MPRIP: variants seen among roughly 807,000 people sequenced by gnomAD.
The protein encoded by MPRIP is myosin phosphatase Rho interacting protein.
MPRIP carries 59 observed loss-of-function variants against 234.9 expected under a neutral mutation model. That is an observed-to-expected ratio of 0.25 (90% CI 0.20 to 0.31). MPRIP has a LOEUF of 0.31. Ranked by LOEUF, MPRIP falls within the 10% of genes least tolerant of loss-of-function variation. The pLI, the probability that MPRIP is intolerant of heterozygous loss-of-function variation, is 1.00. For synonymous variants in MPRIP, 1,144 were observed against 1,263.9 expected, an observed-to-expected ratio of 0.91 and a Z score of 2.01; for missense variants, 2,436 against 3,071.0, an observed-to-expected ratio of 0.79 and a Z score of 4.89.
intron 13 of MPRIP, among the ~76,000 whole-genome samples, chr17:17,157,554 G>C (rs2045756017): frequency 6.6e-6 from 1 of 152,186 alleles, no homozygotes; most frequent in African/African-American, 2.4e-5. Context: ...ATAGATTCAG[G>C]CTGGGCACAG....
rs781462045 is a variant in MPRIP, at chr17:17,166,768, A to T, written c.5177A>T (p.Gln1726Leu). ...CCAGACTTTGAAAGAGTGATGCAGC[A>T]GGTCTTGGAAGCCCTCAGGCTTCCA... ...QTPDFERVMQ[Q>L]VLEALRLPAG... Residue 1726 changes from glutamine (Q) to leucine (L), a missense_variant, in exon 16 of 24, where the codon CAG becomes CTG. Coordinates refer to ENST00000651222, the MANE Select transcript of MPRIP (RefSeq NM_001364716.4). The surrounding 1 kb of genome is among the most constrained non-coding windows in gnomAD (Gnocchi z 4.4). 6 of 1,304,224 alleles carry T rather than the reference A, an allele frequency of 4.6e-6. No individual in the cohort carries two copies. In the African/African-American group the frequency reaches 9.1e-5, roughly 20 times the overall value. The allele number at this position is 1,304,224 out of a possible 1,614,324, so 80.8% of individuals were successfully genotyped here. A position where few individuals can be genotyped will look rare whatever the true frequency, so the allele number is the denominator to read the frequency against.
chr17:17,116,664 C>T (rs949951487), intron 3 of MPRIP, among the ~76,000 whole-genome samples: 9 of 152,228 alleles, frequency 5.9e-5, no homozygotes, highest in Admixed American at 4.6e-4. Context: ...CTGAGGCCTC[C>T]GTCCTGCCAG....
intron 3 of MPRIP, among the ~76,000 whole-genome samples, chr17:17,084,776 T>C (rs1210074885): frequency 6.6e-6 from 1 of 152,254 alleles, no homozygotes; most frequent in Non-Finnish European, 1.5e-5. Context: ...CCTGTGTCTT[T>C]ATTAATGCCA....
At chr17:17,146,571 A>G (rs1424668100) in intron 10 of MPRIP, among the ~76,000 whole-genome samples, 3 of 152,206 alleles carry the variant, frequency 2.0e-5, no homozygotes, top group Non-Finnish European at 4.4e-5. Flanking sequence ...AGGAGCAAAC[A>G]TGGTACATTC....
At chr17:17,076,094 A>C in intron 2 of MPRIP, 1 of 274,246 alleles carries the variant, frequency 3.6e-6, no homozygotes, top group Non-Finnish European at 6.9e-6. Context: ...TTTGCATTAT[A>C]CCGAGCAGCT....
chr17:17,178,165 C>T (rs2046298003), intron 22 of MPRIP, among the ~76,000 whole-genome samples: 1 of 152,116 alleles, frequency 6.6e-6, no homozygotes, highest in Admixed American at 6.6e-5. Flanking sequence ...TCAAGCGATC[C>T]AGCCACCTTG....
chr17:17,180,528 A>G, intron 23 of MPRIP: 1 of 1,299,710 alleles, frequency 7.7e-7, no homozygotes, highest in Non-Finnish European at 1.1e-6. Context: ...CATGCACAGG[A>G]GGGCGGGCGG....
intron 3 of MPRIP, among the ~76,000 whole-genome samples, chr17:17,084,465 G>T (rs1040030693): frequency 1.3e-5 from 2 of 152,194 alleles, no homozygotes; most frequent in African/African-American, 4.8e-5. Flanking sequence ...TCTCACAATG[G>T]TAGATACCAT....
chr17:17,096,847 G>A (rs900232668), intron 3 of MPRIP: 4 of 470,922 alleles, frequency 8.5e-6, no homozygotes, highest in Non-Finnish European at 1.8e-5. Flanking sequence ...CTGCCTTGCT[G>A]TGTGCCTCAG....
intron 1 of MPRIP, among the ~76,000 whole-genome samples, chr17:17,045,423 A>G (rs1597704690): frequency 6.6e-6 from 1 of 152,210 alleles, no homozygotes; most frequent in East Asian, 1.9e-4. Context: ...CTTGGAGATC[A>G]GCTAATGTAA....
chr17:17,172,854 C>G (rs748233713), intron 18 of MPRIP, 39 bp downstream of exon 18: 5 of 1,549,902 alleles, frequency 3.2e-6, no homozygotes, highest in Middle Eastern at 1.9e-4. Context: ...TTGGGAGGGC[C>G]CCTCTGGGGT....
rs976919585 is a variant in MPRIP, at chr17:17,078,727, C to G, written c.267+651C>G. 6.6e-6 allele frequency among the ~76,000 whole-genome samples: 1 copy of G among 152,182 alleles called. No individual in the cohort carries two copies. The highest frequency in any genetic ancestry group is 2.4e-5 in the African/African-American group (1 of 41,446). On this transcript the variant is annotated intron_variant, in intron 3 of 23. Transcript: ENST00000651222. This position sits in a 1 kb window ranked among gnomAD's most constrained non-coding sequence, Gnocchi z 4.3. ...AAAATCAACTAGGTGGAATTTCTGG[C>G]TTTTCTTTTTCCACCCATTTTATCT...
chr17:17,118,391 T>G (rs138066492), intron 3 of MPRIP, among the ~76,000 whole-genome samples: 358 of 152,260 alleles, frequency 2.4e-3, no homozygotes, highest in Non-Finnish European at 3.6e-3. Flanking sequence ...CATGCAGGTT[T>G]CATGTGGGAC....
At chr17:17,051,938 G>T (rs2088554626) in intron 1 of MPRIP, among the ~76,000 whole-genome samples, 1 of 152,246 alleles carries the variant, frequency 6.6e-6, no homozygotes, top group Non-Finnish European at 1.5e-5. Flanking sequence ...TGTCAGAGCT[G>T]CTTTGCAGCG....
chr17:17,081,527 C>G (rs2089462129), intron 3 of MPRIP, among the ~76,000 whole-genome samples: 1 of 152,238 alleles, frequency 6.6e-6, no homozygotes, highest in African/African-American at 2.4e-5. Context: ...CTCCCAAGAG[C>G]TCCAGATAAC....
At chr17:17,164,048 G>A in intron 15 of MPRIP, 61 bp from the exon 16 acceptor site, 1 of 1,188,246 alleles carries the variant, frequency 8.4e-7, no homozygotes, top group Non-Finnish European at 1.1e-6. Context: ...GGCCAGAGGT[G>A]TGACACTCAG....
chr17:17,050,522 TG>T (rs2088505702), intron 1 of MPRIP, among the ~76,000 whole-genome samples: 1 of 152,132 alleles, frequency 6.6e-6, no homozygotes, highest in Non-Finnish European at 1.5e-5. Flanking sequence ...GTGGCAGCCC[TG>T]GGGTGCCACA....
At chr17:17,055,955 GTATAA>G (rs1414959328) in intron 1 of MPRIP, among the ~76,000 whole-genome samples, 5 of 152,230 alleles carry the variant, frequency 3.3e-5, no homozygotes, top group Non-Finnish European at 7.3e-5. Flanking sequence ...GAGAGAGGTA[GTATAA>G]TATGCCTAGA....
rs572676791 is a variant in MPRIP at position 17,186,333 on chromosome 17, A to C, written c.*1439A>C. On this transcript the variant is annotated 3_prime_UTR_variant, in exon 24 of 24. Transcript: ENST00000651222. ...AAGTCATGAGCAAGGCCATCAGTGG[A>C]GCTCTGGCCCCGCCCCCAATGTGCA... is the stretch of plus-strand genomic sequence containing the variant. The C allele has an allele frequency of 6.6e-6, 1 of 152,208 alleles. No individual in the cohort carries two copies. Among genetic ancestry groups the C allele is most frequent in the South Asian group, 2.1e-4 (1 of 4,816 alleles). 9.4% of individuals were successfully genotyped at this position (152,208 alleles called of 1,614,324 possible).
Sources: allele counts gnomAD v4.1 joint callset (sites outside exome capture counted in the v4.1 genomes callset), GRCh38; gene constraint gnomAD v4.1.1; non-coding constraint Gnocchi (gnomAD v3.1); transcripts MANE v1.5; gene names NCBI Gene and HGNC (gene_info 2026-07-23, HGNC 2026-07-21).